Variants in RAPGEF2 observed in about 807,000 individuals in gnomAD.
RAPGEF2 encodes the protein Rap guanine nucleotide exchange factor 2, also known as PDZ domain containing guanine nucleotide exchange factor (GEF) 1.
Under a neutral mutation model 186.7 loss-of-function variants are expected in RAPGEF2, and 54 were observed. The ratio of observed to expected loss-of-function variants is 0.29; its 90% CI spans 0.23 to 0.36. The LOEUF (loss-of-function observed/expected upper bound fraction) is 0.36. RAPGEF2 is among the 10% of genes least tolerant of loss of function. The probability of loss-of-function intolerance (pLI) is 1.00; values close to 1 mark genes in which losing one functional copy is unlikely to be tolerated. For synonymous variants in RAPGEF2, 712 were observed against 705.9 expected (o/e 1.01, Z -0.14); for missense variants, 1,532 against 2,045.0 (o/e 0.75, Z 4.84).
At chr4:159,218,643 A>G (rs1215514208) in intron 4 of RAPGEF2, among the ~76,000 whole-genome samples, 2 of 152,072 alleles carry the variant, frequency 1.3e-5, no homozygotes, top group African/African-American at 4.8e-5. Context: ...CTGTAGTCCC[A>G]GCTACTCGGG....
At position 159,253,493 on chromosome 4, in the gene RAPGEF2, G is replaced by A. The variant is rs571685868; in HGVS notation, c.543+9702G>A. Among the ~76,000 whole-genome samples the A allele has an allele frequency of 2.0e-5, 3 of 152,252 alleles. No individual in the cohort carries two copies. In the South Asian group the frequency reaches 6.2e-4, roughly 32 times the overall value. On this transcript the variant is annotated intron_variant, in intron 7 of 29. Transcript: ENST00000691494. ...ATTAAGAAGCTGTCAGACTTACTGTGTTAGATATGTTTTTCAAAATTCTTT... is the reference window on the plus strand; with the variant it reads ...ATTAAGAAGCTGTCAGACTTACTGTATTAGATATGTTTTTCAAAATTCTTT...
chr4:159,186,478 T>C (rs940301687), intron 1 of RAPGEF2, among the ~76,000 whole-genome samples, 164 bp from the exon 2 acceptor site: 2 of 152,106 alleles, frequency 1.3e-5, no homozygotes, highest in African/African-American at 2.4e-5. Context: ...ATGACATTTG[T>C]ACAACTGAGC....
intron 6 of RAPGEF2, among the ~76,000 whole-genome samples, chr4:159,242,000 G>T (rs1754069639): frequency 6.6e-6 from 1 of 151,964 alleles, no homozygotes; most frequent in African/African-American, 2.4e-5. Flanking sequence ...TAGGTTCAAA[G>T]ATCCTCTTAA....
chr4:159,231,507 G>A (rs1752644373), intron 4 of RAPGEF2, among the ~76,000 whole-genome samples: 1 of 151,656 alleles, frequency 6.6e-6, no homozygotes, highest in South Asian at 2.1e-4. Flanking sequence ...TGTAGAGAGA[G>A]AAAAAAGAAA....
chr4:159,248,553 G>A (rs951601885), intron 7 of RAPGEF2, among the ~76,000 whole-genome samples: 1 of 152,204 alleles, frequency 6.6e-6, no homozygotes, highest in African/African-American at 2.4e-5. Context: ...ATGGGTGGAT[G>A]TAACAATACT....
At chr4:159,273,668 TTCTTTC>T (rs1382895607) in intron 7 of RAPGEF2, among the ~76,000 whole-genome samples, 1 of 150,476 alleles carries the variant, frequency 6.6e-6, no homozygotes, top group Non-Finnish European at 1.5e-5. Flanking sequence ...CTTTCTTTCT[TTCTTTC>T]TTTCTTTCTT....
intron 10 of RAPGEF2, 52 bp from the exon 11 acceptor site, chr4:159,323,407 G>A (rs1765498411): frequency 1.4e-6 from 2 of 1,435,430 alleles, no homozygotes. Flanking sequence ...GGCACTTACA[G>A]CTGTATGATC....
intron 7 of RAPGEF2, among the ~76,000 whole-genome samples, chr4:159,260,554 C>T (rs916416986): frequency 1.3e-5 from 2 of 152,090 alleles, no homozygotes; most frequent in East Asian, 3.9e-4. Flanking sequence ...TCTGGCTGAA[C>T]TACTTAATGC....
chr4:159,255,372 C>A (rs1756031842), intron 7 of RAPGEF2, among the ~76,000 whole-genome samples: 1 of 147,290 alleles, frequency 6.8e-6, no homozygotes, highest in African/African-American at 2.5e-5. Context: ...TTTTTTTTAA[C>A]TGGTGCCTTT....
At chr4:159,170,417 C>A (rs1198884383) in intron 1 of RAPGEF2, among the ~76,000 whole-genome samples, 1 of 151,974 alleles carries the variant, frequency 6.6e-6, no homozygotes, top group African/African-American at 2.4e-5. Flanking sequence ...AATAAACAAA[C>A]AATACAACAG....
chr4:159,305,831 C>T (rs755526069), intron 8 of RAPGEF2, among the ~76,000 whole-genome samples: 1 of 151,910 alleles, frequency 6.6e-6, no homozygotes, highest in Admixed American at 6.6e-5. Context: ...TGTTTTGAGT[C>T]GATTTTTATT....
intron 4 of RAPGEF2, among the ~76,000 whole-genome samples, chr4:159,220,265 C>T (rs1036038090): frequency 1.3e-5 from 2 of 150,002 alleles, no homozygotes; most frequent in Admixed American, 6.6e-5. Flanking sequence ...GACACTAGCA[C>T]GTGTTTGTGT....
At chr4:159,234,544 G>A (rs909517835) in intron 4 of RAPGEF2, among the ~76,000 whole-genome samples, 14 of 138,598 alleles carry the variant, frequency 1.0e-4, no homozygotes, top group African/African-American at 3.4e-4. Context: ...CACCATGCCC[G>A]GCTAATTTTT....
chr4:159,157,778 A>G (rs1299074242), intron 1 of RAPGEF2, among the ~76,000 whole-genome samples: 1 of 152,216 alleles, frequency 6.6e-6, no homozygotes, highest in African/African-American at 2.4e-5. Context: ...AACACTCCCA[A>G]CATATCTCTG....
intron 1 of RAPGEF2, among the ~76,000 whole-genome samples, chr4:159,177,937 TC>T (rs906916629): frequency 6.6e-6 from 1 of 152,234 alleles, no homozygotes; most frequent in African/African-American, 2.4e-5. Context: ...TCAGGACAGT[TC>T]TGGTCCTGTG....
At chr4:159,255,347 G>T in intron 7 of RAPGEF2, among the ~76,000 whole-genome samples, 1 of 150,186 alleles carries the variant, frequency 6.7e-6, no homozygotes, top group Admixed American at 6.7e-5. Context: ...GCTCTATTTT[G>T]AATATATAGT....
At chr4:159,120,009 C>G (rs1403204385) in intron 1 of RAPGEF2, among the ~76,000 whole-genome samples, 1 of 152,080 alleles carries the variant, frequency 6.6e-6, no homozygotes, top group African/African-American at 2.4e-5. Flanking sequence ...CTCCCCAAAG[C>G]TGAATCATCA....
chr4:159,190,811 T>C (rs1050578310), intron 2 of RAPGEF2, among the ~76,000 whole-genome samples: 2 of 152,154 alleles, frequency 1.3e-5, no homozygotes, highest in African/African-American at 4.8e-5. Context: ...AATTCAGTTA[T>C]CACCACTGAT....
intron 9 of RAPGEF2, among the ~76,000 whole-genome samples, chr4:159,319,126 T>TG (rs1436694130): frequency 6.6e-6 from 1 of 152,114 alleles, no homozygotes; most frequent in African/African-American, 2.4e-5. Context: ...ATGATACCTA[T>TG]GGCATTGTCA....
Sources: gnomAD v4.1 joint callset for allele counts (sites outside exome capture counted in the v4.1 genomes callset) on GRCh38, gnomAD v4.1.1 for gene constraint, MANE v1.5 for transcripts, NCBI Gene and HGNC (gene_info 2026-07-23, HGNC 2026-07-21) for gene names.